Variants in CFAP161 observed in about 807,000 individuals in gnomAD.
CFAP161 encodes cilia- and flagella-associated protein 161.
In CFAP161, 25 loss-of-function variants were observed where a neutral mutation model predicts 29.0. That is an observed-to-expected ratio of 0.86 (90% confidence interval 0.63 to 1.20). CFAP161 has a LOEUF of 1.20. Among genes scored for constraint, CFAP161 ranks in the 50% most tolerant of loss-of-function variants. The pLI, the probability that CFAP161 is intolerant of heterozygous loss-of-function variation, is 0.00. For synonymous variants in CFAP161, 116 were observed against 137.4 expected (o/e 0.84, Z 1.09); for missense variants, 367 against 371.9 (o/e 0.99, Z 0.11).
At chr15:81,100,703 T>TA (rs1567148755) in intron 1 of CFAP161, among the ~76,000 whole-genome samples, 18 of 106,870 alleles carry the variant, frequency 1.7e-4, no homozygotes, top group Admixed American at 3.4e-4. Flanking sequence ...TCTCTCTCTC[T>TA]CTTTTTTTTT....
At chr15:81,124,514 A>G (rs1894615866) in intron 1 of CFAP161, among the ~76,000 whole-genome samples, 1 of 152,096 alleles carries the variant, frequency 6.6e-6, no homozygotes, top group Non-Finnish European at 1.5e-5. Context: ...TATCAGGATG[A>G]TGCTGGCCTC....
At chr15:81,146,568 A>G (rs1895009213) in intron 5 of CFAP161, among the ~76,000 whole-genome samples, 1 of 151,728 alleles carries the variant, frequency 6.6e-6, no homozygotes, top group African/African-American at 2.4e-5. Flanking sequence ...TCCATCCATT[A>G]TGGTTTGGCA....
intron 1 of CFAP161, among the ~76,000 whole-genome samples, chr15:81,101,933 A>G (rs1296230838): frequency 1.3e-5 from 2 of 151,988 alleles, no homozygotes; most frequent in Non-Finnish European, 2.9e-5. Flanking sequence ...TGACCTCACT[A>G]CCTCACTGCA....
chr15:81,148,150 A>T (rs1324361107), intron 6 of CFAP161, among the ~76,000 whole-genome samples, 188 bp from the exon 7 acceptor site: 1 of 152,158 alleles, frequency 6.6e-6, no homozygotes, highest in African/African-American at 2.4e-5. Context: ...TTCTAATGGG[A>T]TCCTACTGGC....
intron 1 of CFAP161, among the ~76,000 whole-genome samples, chr15:81,115,438 T>C (rs1249470958): frequency 1.3e-5 from 2 of 152,142 alleles, no homozygotes; most frequent in African/African-American, 2.4e-5. Context: ...AAAACCCTTT[T>C]AGCTACATTT....
At chr15:81,139,607 A>G (rs1249765362) in intron 4 of CFAP161, among the ~76,000 whole-genome samples, 1 of 152,204 alleles carries the variant, frequency 6.6e-6, no homozygotes, top group Non-Finnish European at 1.5e-5. Context: ...TGGCGGTATC[A>G]TAATTTACCT....
chr15:81,148,276 A>G (rs1312720484), intron 6 of CFAP161, 62 bp from the exon 7 acceptor site: 2 of 1,461,982 alleles, frequency 1.4e-6, no homozygotes, highest in African/African-American at 1.4e-5. Flanking sequence ...TAAATTATTA[A>G]TAACAGCTTA....
chr15:81,122,262 G>C (rs1053936413), intron 1 of CFAP161, among the ~76,000 whole-genome samples: 1 of 152,106 alleles, frequency 6.6e-6, no homozygotes, highest in African/African-American at 2.4e-5. Flanking sequence ...TGGTATTTCT[G>C]TCTTTAGGTC....
chr15:81,134,448 C>G (rs1420349139), intron 1 of CFAP161, 50 bp downstream of exon 1: 1 of 1,541,702 alleles, frequency 6.5e-7, no homozygotes, highest in East Asian at 2.4e-5. Context: ...AACTCCCAGA[C>G]CCTGCTCTAA....
chr15:81,117,414 G>T (rs1210199324), intron 1 of CFAP161, among the ~76,000 whole-genome samples: 1 of 152,078 alleles, frequency 6.6e-6, no homozygotes, highest in Admixed American at 6.6e-5. Context: ...TTACAATTTT[G>T]TTGGGGTGAA....
chr15:81,105,479 C>G (rs1218063912), intron 1 of CFAP161, among the ~76,000 whole-genome samples: 1 of 150,736 alleles, frequency 6.6e-6, no homozygotes, highest in Non-Finnish European at 1.5e-5. Context: ...GTGCAGTGGC[C>G]CAATCACAGC....
Position 81,148,618 on chromosome 15 carries a change from A to C in CFAP161, c.*85A>C. 1 of 1,345,162 alleles carries C rather than the reference A, an allele frequency of 7.4e-7. No homozygotes were observed. The allele number at this position is 1,345,162 out of a possible 1,614,324, so 83.3% of individuals were successfully genotyped here. Reference sequence around the variant, plus strand: ...AAATTAACAACCTTGGTCATGCCTCAAGCTATTTTTGAATCAGATGTGGGA... The same window carrying C: ...AAATTAACAACCTTGGTCATGCCTCCAGCTATTTTTGAATCAGATGTGGGA... On this transcript the variant is annotated 3_prime_UTR_variant, in exon 7 of 7. Transcript: ENST00000286732.
At chr15:81,139,565 A>AGCT (rs1372177456) in intron 4 of CFAP161, among the ~76,000 whole-genome samples, 7 of 152,190 alleles carry the variant, frequency 4.6e-5, no homozygotes, top group Admixed American at 3.9e-4. Flanking sequence ...AAATGACGAA[A>AGCT]TCATTTAATG....
chr15:81,137,081 G>T (rs189171573), intron 3 of CFAP161, among the ~76,000 whole-genome samples: 238 of 140,814 alleles, frequency 1.7e-3, no homozygotes, highest in Admixed American at 3.3e-3. Flanking sequence ...TGTTTTCATT[G>T]TTCTTAATAC....
intron 4 of CFAP161, among the ~76,000 whole-genome samples, chr15:81,142,161 C>G (rs1018636137): frequency 2.0e-5 from 3 of 152,070 alleles, no homozygotes; most frequent in African/African-American, 7.2e-5. Flanking sequence ...TGGCCTGTTT[C>G]TCTTGCCCCA....
intron 1 of CFAP161, among the ~76,000 whole-genome samples, chr15:81,102,225 C>T (rs1335971196): frequency 6.6e-6 from 1 of 152,130 alleles, no homozygotes; most frequent in African/African-American, 2.4e-5. Context: ...TGATCTAGGT[C>T]CCTGAGCTGC....
chr15:81,110,901 G>C (rs1894432146), intron 1 of CFAP161, among the ~76,000 whole-genome samples: 1 of 152,174 alleles, frequency 6.6e-6, no homozygotes, highest in South Asian at 2.1e-4. Context: ...CTTTCCCCCA[G>C]GGGTCTGCTA....
chr15:81,147,796 T>A, intron 5 of CFAP161, 62 bp from the exon 6 acceptor site: 3 of 1,316,934 alleles, frequency 2.3e-6, no homozygotes, highest in Non-Finnish European at 3.1e-6. Context: ...GGTAAGCTTT[T>A]CCCTAAAAGC....
Position 81,134,402 on chromosome 15 carries a change from C to A in CFAP161, c.69+4C>A, listed in dbSNP as rs1313821804. On this transcript the variant is annotated splice_donor_region_variant and intron_variant, in intron 1 of 6. Coordinates refer to ENST00000286732, the MANE Select transcript of CFAP161 (RefSeq NM_173528.4). ...TGAGGATGTCTACCTGGAGGAGGTACGCAGGGTGTGGCCAGGCGCAGACCC... is the reference window on the plus strand; with the variant it reads ...TGAGGATGTCTACCTGGAGGAGGTAAGCAGGGTGTGGCCAGGCGCAGACCC... 1 of 1,579,704 alleles carries A rather than the reference C, an allele frequency of 6.3e-7. No individual in the cohort carries two copies. The highest frequency in any genetic ancestry group is 8.6e-7 in the Non-Finnish European group (1 of 1,163,260).
Sources: allele counts gnomAD v4.1 joint callset (sites outside exome capture counted in the v4.1 genomes callset), GRCh38; gene constraint gnomAD v4.1.1; transcripts MANE v1.5; gene names NCBI Gene and HGNC (gene_info 2026-07-23, HGNC 2026-07-21).